Variants in GRM1 observed in about 807,000 individuals in gnomAD.
The protein encoded by GRM1 is metabotropic glutamate receptor 1.
A neutral mutation model predicts 90.9 loss-of-function variants in GRM1; 33 were observed. The ratio of observed to expected loss-of-function variants is 0.36; its 90% CI spans 0.28 to 0.49. The LOEUF is 0.49. GRM1 is among the 20% of genes least tolerant of loss of function. The pLI, the probability that GRM1 is intolerant of heterozygous loss-of-function variation, is 0.99. For missense variants in GRM1, 1,190 were observed against 1,534.3 expected (o/e 0.78, Z 3.75); for synonymous variants, 700 against 613.2 (o/e 1.14, Z -2.09).
At chr6:146,126,953 T>G (rs1776220487) in intron 1 of GRM1, among the ~76,000 whole-genome samples, 1 of 152,128 alleles carries the variant, frequency 6.6e-6, no homozygotes, top group Non-Finnish European at 1.5e-5. Flanking sequence ...TTGGAGAGCC[T>G]TTTAAAATAA....
chr6:146,181,766 G>T (rs150940926), intron 2 of GRM1, among the ~76,000 whole-genome samples: 50 of 152,206 alleles, frequency 3.3e-4, no homozygotes, highest in African/African-American at 1.2e-3. Context: ...AGGACTAAGT[G>T]CCTGAGTCTA....
intron 6 of GRM1, among the ~76,000 whole-genome samples, chr6:146,390,583 A>AT (rs1169792113): frequency 6.6e-6 from 1 of 151,838 alleles, no homozygotes. Flanking sequence ...ACATTTTCTC[A>AT]TTAAAAAAAA....
At chr6:146,059,143 C>G (rs879719033) in intron 1 of GRM1, among the ~76,000 whole-genome samples, 2 of 152,050 alleles carry the variant, frequency 1.3e-5, no homozygotes, top group Non-Finnish European at 2.9e-5. Context: ...TTACTTTGCC[C>G]AGATCCATCA....
At chr6:146,351,866 A>C (rs1209799514) in intron 3 of GRM1, among the ~76,000 whole-genome samples, 1 of 152,228 alleles carries the variant, frequency 6.6e-6, no homozygotes, top group African/African-American at 2.4e-5. Context: ...TAAAGGAATC[A>C]AAAAATGTTT....
chr6:146,279,540 T>C (rs916596686), intron 2 of GRM1, among the ~76,000 whole-genome samples: 5 of 152,172 alleles, frequency 3.3e-5, no homozygotes, highest in African/African-American at 7.2e-5. Flanking sequence ...AAATTTTCTA[T>C]TTACCTTTGA....
chr6:146,088,558 G>T (rs1776618879), intron 1 of GRM1, among the ~76,000 whole-genome samples: 1 of 152,080 alleles, frequency 6.6e-6, no homozygotes, highest in African/African-American at 2.4e-5. Flanking sequence ...GATGCTAATG[G>T]AAATTCCTTG....
intron 2 of GRM1, among the ~76,000 whole-genome samples, chr6:146,206,347 A>C (rs925491118): frequency 6.6e-6 from 1 of 152,146 alleles, no homozygotes; most frequent in Non-Finnish European, 1.5e-5. Flanking sequence ...AGATGCTCCC[A>C]TGAGAGGAAG....
At chr6:146,279,438 A>G (rs115457458) in intron 2 of GRM1, among the ~76,000 whole-genome samples, 1,849 of 152,262 alleles carry the variant, frequency 0.012, 25 homozygotes, top group African/African-American at 0.042. Flanking sequence ...TATCTTTCAT[A>G]TGCATTTAGA....
intron 2 of GRM1, 44 bp downstream of exon 2, chr6:146,159,641 T>TCTCTCTCTCACACACACA (rs372590505): frequency 2.6e-4 from 191 of 728,446 alleles, no homozygotes; most frequent in East Asian, 1.4e-3. Flanking sequence ...TCTCTCTCTC[T>TCTCTCTCTCACACACACA]CACACACACA....
chr6:146,109,467 T>C (rs1204674760), intron 1 of GRM1, among the ~76,000 whole-genome samples: 2 of 152,188 alleles, frequency 1.3e-5, no homozygotes, highest in Middle Eastern at 3.2e-3. Context: ...TGGGAACCTC[T>C]GCCTAGATTT....
rs1778588911 is a variant in GRM1 at position 146,436,183 on chromosome 6, A to G, written c.*1387A>G. 6.6e-6 allele frequency: 1 copy of G among 152,604 alleles called. No individual in the cohort carries two copies. The highest frequency in any genetic ancestry group is 1.5e-5 in the Non-Finnish European group (1 of 68,050). The allele number at this position is 152,604 out of a possible 1,614,324, so 9.5% of individuals were successfully genotyped here. A position where few individuals can be genotyped will look rare whatever the true frequency, so the allele number is the denominator to read the frequency against. On this transcript the variant is annotated 3_prime_UTR_variant, in exon 8 of 8. Transcript: ENST00000282753. ...AATGTTTTGTACATCATTGTCATCAATATCTACAGAAGCTCTTTGACGGTT... is the reference window on the plus strand; with the variant it reads ...AATGTTTTGTACATCATTGTCATCAGTATCTACAGAAGCTCTTTGACGGTT...
Position 146,426,667 on chromosome 6 carries a change from C to G in GRM1, c.2661-7205C>G, listed in dbSNP as rs1274493920. 4 of 1,170,552 alleles carry G rather than the reference C, an allele frequency of 3.4e-6. No individual in the cohort carries two copies. In the African/African-American group the frequency reaches 6.0e-5, roughly 18 times the overall value. The allele number at this position is 1,170,552 out of a possible 1,614,324, so 72.5% of individuals were successfully genotyped here. The stretch of plus-strand genomic sequence containing the variant: ...GTGTAAGAGAAGCTGCATGGAAAAT[C>G]TAGTGTTTTGCCCCTTGCTTTCTCT... On this transcript the variant is annotated intron_variant, in intron 7 of 7. Coordinates refer to ENST00000282753, the MANE Select transcript of GRM1 (RefSeq NM_001278064.2).
intron 7 of GRM1, among the ~76,000 whole-genome samples, chr6:146,421,844 C>G (rs763735811): frequency 6.6e-6 from 1 of 151,980 alleles, no homozygotes; most frequent in African/African-American, 2.4e-5. Context: ...TTACAGAGAG[C>G]CTACACACAT....
At chr6:146,411,645 C>T (rs541511862) in intron 7 of GRM1, among the ~76,000 whole-genome samples, 1 of 152,160 alleles carries the variant, frequency 6.6e-6, no homozygotes, top group South Asian at 2.1e-4. Context: ...GTACAGGGTC[C>T]AGGGAAGAGA....
At chr6:146,092,087 T>C (rs1489822585) in intron 1 of GRM1, among the ~76,000 whole-genome samples, 8 of 152,124 alleles carry the variant, frequency 5.3e-5, no homozygotes, top group African/African-American at 1.9e-4. Context: ...AAAAATACCG[T>C]AGTTTGGGTG....
chr6:146,079,758 T>C (rs1258770825), intron 1 of GRM1, among the ~76,000 whole-genome samples: 3 of 152,156 alleles, frequency 2.0e-5, no homozygotes, highest in African/African-American at 7.2e-5. Flanking sequence ...TAGTGGCTCA[T>C]GAAATGTCAA....
At chr6:146,206,710 A>G (rs919601267) in intron 2 of GRM1, among the ~76,000 whole-genome samples, 2 of 151,930 alleles carry the variant, frequency 1.3e-5, no homozygotes, top group Admixed American at 6.6e-5. Context: ...TTTGTTGTAC[A>G]GATTATCTCA....
intron 2 of GRM1, among the ~76,000 whole-genome samples, chr6:146,202,520 A>T (rs906442619): frequency 6.6e-6 from 1 of 152,236 alleles, no homozygotes; most frequent in Non-Finnish European, 1.5e-5. Flanking sequence ...TGAATTAAAT[A>T]TCATTTACAA....
chr6:146,254,710 C>A (rs890641236), intron 2 of GRM1, among the ~76,000 whole-genome samples: 21 of 152,222 alleles, frequency 1.4e-4, no homozygotes, highest in Non-Finnish European at 2.5e-4. Context: ...AAATTGATTT[C>A]ATAACTTATG....
Sources: gnomAD v4.1 joint callset for allele counts (sites outside exome capture counted in the v4.1 genomes callset) on GRCh38, gnomAD v4.1.1 for gene constraint, MANE v1.5 for transcripts, NCBI Gene and HGNC (gene_info 2026-07-23, HGNC 2026-07-21) for gene names.